Variants in CNPY1 observed in about 807,000 individuals in gnomAD.
CNPY1 encodes protein canopy homolog 1.
A neutral mutation model predicts 14.4 loss-of-function variants in CNPY1; 14 were observed. That is an observed-to-expected ratio of 0.97 (90% confidence interval 0.64 to 1.52). The LOEUF is 1.52. Ranked by LOEUF, CNPY1 falls within the 40% of genes most tolerant of loss-of-function variation. The probability of loss-of-function intolerance (pLI) is 0.00; values close to 1 mark genes in which losing one functional copy is unlikely to be tolerated. For synonymous variants in CNPY1, 43 were observed against 46.5 expected (o/e 0.92, Z 0.31); for missense variants, 129 against 131.5 (o/e 0.98, Z 0.09).
rs983427568 is a variant in CNPY1, at chr7:155,536,355, T to C, written c.99+9476A>G. 2.0e-4 allele frequency among the ~76,000 whole-genome samples: 31 copies of C among 152,138 alleles called. No homozygotes were observed. The highest frequency in any genetic ancestry group is 7.0e-4 in the African/African-American group (29 of 41,400). Reference sequence around the variant, plus strand: ...GCTCTGTGCTTGAGACCTATAGTCATAGGTTTCAGGAAACTTCTCAGGTCA... The same window carrying C: ...GCTCTGTGCTTGAGACCTATAGTCACAGGTTTCAGGAAACTTCTCAGGTCA... On this transcript the variant is annotated intron_variant, in intron 2 of 4. Transcript: ENST00000636446. This position sits in a 1 kb window ranked among gnomAD's most constrained non-coding sequence, Gnocchi z 4.1.
chr7:155,520,428 CTTTTTT>C (rs71522007), intron 2 of CNPY1, among the ~76,000 whole-genome samples: 7 of 69,434 alleles, frequency 1.0e-4, no homozygotes, highest in South Asian at 8.7e-4. Context: ...TTCTTTCTTT[CTTTTTT>C]TTTTTTTTTT....
At chr7:155,524,515 A>T (rs968088029) in intron 2 of CNPY1, among the ~76,000 whole-genome samples, 3 of 152,106 alleles carry the variant, frequency 2.0e-5, no homozygotes, top group Non-Finnish European at 4.4e-5. Context: ...TTAGATTCTC[A>T]TAGGAGTGTG....
At position 155,503,008 on chromosome 7, in the gene CNPY1, T is replaced by G. The variant is rs1796167604; in HGVS notation, c.*60A>C. 1.4e-6 allele frequency: 2 copies of G among 1,456,696 alleles called. No homozygotes were observed. The highest frequency in any genetic ancestry group is 2.9e-5 in the African/African-American group (2 of 70,146). 90.2% of individuals were successfully genotyped at this position (1,456,696 alleles called of 1,614,324 possible). A position where few individuals can be genotyped will look rare whatever the true frequency, so the allele number is the denominator to read the frequency against. ...TGAAAGACAACATGCAAACATAAAA[T>G]GCAGACATTGACCTTTGGGTGTGAC... On this transcript the variant is annotated 3_prime_UTR_variant, in exon 5 of 5. Coordinates refer to ENST00000636446, the MANE Select transcript of CNPY1 (RefSeq NM_001393663.1).
chr7:155,514,237 G>A (rs904951023), intron 2 of CNPY1, among the ~76,000 whole-genome samples: 1 of 152,178 alleles, frequency 6.6e-6, no homozygotes, highest in African/African-American at 2.4e-5. Flanking sequence ...CTCTAATTCC[G>A]ACGTTTAAAA....
Position 155,509,109 on chromosome 7 carries a change from G to T in CNPY1, c.100-12C>A, listed in dbSNP as rs1056027627. The T allele has an allele frequency of 1.2e-5, 18 of 1,494,504 alleles. No individual in the cohort carries two copies. The highest frequency in any genetic ancestry group is 1.6e-5 in the Non-Finnish European group (18 of 1,103,358). 92.6% of individuals were successfully genotyped at this position (1,494,504 alleles called of 1,614,324 possible). On this transcript the variant is annotated splice_polypyrimidine_tract_variant and intron_variant, in intron 2 of 4. Transcript: ENST00000636446. ...TGAGCTAGGGGGATCTAAGAAGAAA[G>T]ACAGGGCGAGGAAACTTGTCTTAAT...
At chr7:155,525,272 C>T (rs541233957) in intron 2 of CNPY1, among the ~76,000 whole-genome samples, 1 of 152,296 alleles carries the variant, frequency 6.6e-6, no homozygotes, top group East Asian at 1.9e-4. Context: ...CCTCCGCCTC[C>T]TGGGTTCAAG....
chr7:155,513,356 G>T (rs149625448), intron 2 of CNPY1, among the ~76,000 whole-genome samples: 321 of 152,246 alleles, frequency 2.1e-3, no homozygotes, highest in Non-Finnish European at 3.8e-3. Flanking sequence ...ATTAATAGGA[G>T]TGCTTCCAGC....
chr7:155,515,816 T>C (rs192270529), intron 2 of CNPY1, among the ~76,000 whole-genome samples: 1 of 152,292 alleles, frequency 6.6e-6, no homozygotes, highest in African/African-American at 2.4e-5. Flanking sequence ...AAGACAGCTC[T>C]TTCTTTAAAA....
intron 3 of CNPY1, among the ~76,000 whole-genome samples, chr7:155,508,437 T>A (rs1167713427): frequency 6.6e-6 from 1 of 152,220 alleles, no homozygotes; most frequent in African/African-American, 2.4e-5. Flanking sequence ...GCTGTAGATA[T>A]TTGAAAGCGG....
rs35244674 is a variant in CNPY1 at position 155,503,109 on chromosome 7, GAA to G, written c.401-6_401-5del. ...TTAGCAGAAGTTTCACACAGATCTG[GAA>G]AAAAAAAAAAAAGTAGATAGCATCA... On this transcript the variant is annotated splice_region_variant and splice_polypyrimidine_tract_variant and intron_variant, in intron 4 of 4. Transcript: ENST00000636446. The G allele has an allele frequency of 0.013, 17,747 of 1,409,976 alleles. 1 individual carries two copies. Among genetic ancestry groups the G allele is most frequent in the African/African-American group, 0.024 (1,486 of 62,560 alleles). The allele number at this position is 1,409,976 out of a possible 1,614,324, so 87.3% of individuals were successfully genotyped here.
In CNPY1 at chr7:155,528,228, C is replaced by T. The variant is rs549676825; in HGVS notation, c.99+17603G>A. ...TCAACAATGGGCAGGAGAATAAGAC[C>T]CCTTTTAATATAAAATTAAAACCTC... is the stretch of plus-strand genomic sequence containing the variant. On this transcript the variant is annotated intron_variant, in intron 2 of 4. Transcript: ENST00000636446. Among the ~76,000 whole-genome samples the T allele has an allele frequency of 2.0e-5, 3 of 152,312 alleles. No homozygotes were observed. The South Asian group carries it at 6.2e-4, about 32-fold the overall frequency.
intron 2 of CNPY1, among the ~76,000 whole-genome samples, chr7:155,523,268 G>C (rs549312565): frequency 2.2e-4 from 33 of 152,304 alleles, no homozygotes; most frequent in Non-Finnish European, 4.4e-4. Context: ...AACCCGCCTG[G>C]ATGAGAACAG....
intron 2 of CNPY1, among the ~76,000 whole-genome samples, chr7:155,521,675 T>C (rs1354280178): frequency 6.6e-6 from 1 of 152,250 alleles, no homozygotes; most frequent in Non-Finnish European, 1.5e-5. Flanking sequence ...AAGAATAATA[T>C]TTAATGACAC....
At chr7:155,503,646 G>A (rs1161320597) in intron 4 of CNPY1, among the ~76,000 whole-genome samples, 1 of 152,172 alleles carries the variant, frequency 6.6e-6, no homozygotes, top group African/African-American at 2.4e-5. Context: ...TTAGTTTTGA[G>A]AAGTCTACAT....
intron 2 of CNPY1, among the ~76,000 whole-genome samples, chr7:155,543,109 G>A (rs1797106310): frequency 6.6e-6 from 1 of 152,172 alleles, no homozygotes; most frequent in Non-Finnish European, 1.5e-5. Context: ...CCTCAGCTCT[G>A]AAGACACGGC....
At chr7:155,516,010 T>C (rs1297984264) in intron 2 of CNPY1, among the ~76,000 whole-genome samples, 1 of 62,308 alleles carries the variant, frequency 1.6e-5, no homozygotes, top group African/African-American at 6.7e-5. Context: ...CGTGCACGCG[T>C]GTGTGTGTCC....
intron 4 of CNPY1, among the ~76,000 whole-genome samples, chr7:155,503,707 C>G (rs1052628597): frequency 6.6e-6 from 1 of 152,142 alleles, no homozygotes; most frequent in Admixed American, 6.5e-5. Context: ...TTTCTAGATA[C>G]TTGATCTCAT....
At chr7:155,515,511 C>T (rs1042734666) in intron 2 of CNPY1, among the ~76,000 whole-genome samples, 10 of 152,160 alleles carry the variant, frequency 6.6e-5, no homozygotes, top group Admixed American at 5.2e-4. Flanking sequence ...ACCCGGGGAC[C>T]GCAGGGTGTC....
At chr7:155,543,387 C>G (rs1340142051) in intron 2 of CNPY1, among the ~76,000 whole-genome samples, 2 of 152,168 alleles carry the variant, frequency 1.3e-5, no homozygotes, top group Admixed American at 1.3e-4. Flanking sequence ...GCCTGGCCCC[C>G]ATCCAAGTCC....
Sources: allele counts gnomAD v4.1 joint callset (sites outside exome capture counted in the v4.1 genomes callset), GRCh38; gene constraint gnomAD v4.1.1; non-coding constraint Gnocchi (gnomAD v3.1); transcripts MANE v1.5; gene names NCBI Gene and HGNC (gene_info 2026-07-23, HGNC 2026-07-21).